ADGRL2: variants seen among roughly 807,000 people sequenced by gnomAD.
ADGRL2 encodes adhesion G protein-coupled receptor L2.
In ADGRL2, 44 loss-of-function variants were observed where a neutral mutation model predicts 157.4. The ratio of observed to expected loss-of-function variants is 0.28; its 90% CI spans 0.22 to 0.36. The LOEUF is 0.36. Among genes scored for constraint, ADGRL2 ranks in the 10% least tolerant of loss-of-function variants. The pLI is 1.00. For missense variants in ADGRL2, 1,510 were observed against 1,768.9 expected (o/e 0.85, Z 2.63); for synonymous variants, 585 against 624.7 (o/e 0.94, Z 0.95).
At chr1:81,914,993 T>C (rs2094821628) in intron 3 of ADGRL2, among the ~76,000 whole-genome samples, 1 of 152,174 alleles carries the variant, frequency 6.6e-6, no homozygotes, top group South Asian at 2.1e-4. Context: ...AATTTTGAAA[T>C]GGTTTAGAAG....
intron 3 of ADGRL2, among the ~76,000 whole-genome samples, chr1:81,913,883 T>C (rs1012676179): frequency 6.6e-6 from 1 of 152,168 alleles, no homozygotes; most frequent in Non-Finnish European, 1.5e-5. Flanking sequence ...TAAATAACTT[T>C]GAAGTTCAGT....
intron 2 of ADGRL2, among the ~76,000 whole-genome samples, chr1:81,776,490 AAGATT>A (rs1313246636): frequency 6.6e-6 from 1 of 152,180 alleles, no homozygotes; most frequent in African/African-American, 2.4e-5. Context: ...CCTGGCCAGT[AAGATT>A]TTTATAAAAT....
chr1:81,895,287 T>G (rs1443891962), intron 2 of ADGRL2, among the ~76,000 whole-genome samples: 1 of 152,158 alleles, frequency 6.6e-6, no homozygotes, highest in African/African-American at 2.4e-5. Context: ...CCTTTAGAGT[T>G]TATTGTTGCC....
chr1:81,310,068 G>A (rs1044292457), intron 1 of ADGRL2, among the ~76,000 whole-genome samples: 4 of 152,026 alleles, frequency 2.6e-5, no homozygotes, highest in African/African-American at 9.7e-5. Flanking sequence ...TCACTGCACT[G>A]GATGCATCTG....
chr1:81,655,655 T>C (rs1232978785), intron 3 of ADGRL2, among the ~76,000 whole-genome samples: 1 of 152,198 alleles, frequency 6.6e-6, no homozygotes, highest in East Asian at 1.9e-4. Context: ...TTCATTTCTC[T>C]CTTTCCTCCT....
rs549951407 is a variant in ADGRL2 at position 81,875,218 on chromosome 1, G to A, written c.74-31799G>A. On this transcript the variant is annotated intron_variant, in intron 2 of 23. Transcript: ENST00000686636. ...AGCTGTTTGCTACTGTCAGAACAAAGGCAAATCAGAGTTGCATTAAAGGGA... is the reference window on the plus strand; with the variant it reads ...AGCTGTTTGCTACTGTCAGAACAAAAGCAAATCAGAGTTGCATTAAAGGGA... Among the ~76,000 whole-genome samples the A allele has an allele frequency of 2.6e-5, 4 of 152,202 alleles. No individual in the cohort carries two copies. In the South Asian group the frequency reaches 8.3e-4, roughly 32 times the overall value.
At chr1:81,359,836 A>C (rs2075947292) in intron 1 of ADGRL2, among the ~76,000 whole-genome samples, 1 of 151,866 alleles carries the variant, frequency 6.6e-6, no homozygotes, top group Admixed American at 6.6e-5. Context: ...GCCAAAAAAA[A>C]CCTATGAGCT....
At chr1:81,509,696 T>C (rs1461662662) in intron 2 of ADGRL2, among the ~76,000 whole-genome samples, 1 of 152,220 alleles carries the variant, frequency 6.6e-6, no homozygotes, top group African/African-American at 2.4e-5. Context: ...GTTTTCCATC[T>C]TTTATGTAAA....
chr1:81,447,892 G>C (rs2077628055), intron 2 of ADGRL2, among the ~76,000 whole-genome samples: 1 of 151,944 alleles, frequency 6.6e-6, no homozygotes, highest in South Asian at 2.1e-4. Context: ...GAACGGTTTA[G>C]CACCATCTTT....
chr1:81,401,242 T>C (rs979763452), intron 1 of ADGRL2, among the ~76,000 whole-genome samples: 1 of 152,120 alleles, frequency 6.6e-6, no homozygotes, highest in African/African-American at 2.4e-5. Flanking sequence ...CACAGAGGGA[T>C]GAGACTGTTC....
At chr1:81,605,005 T>C (rs956030503) in intron 3 of ADGRL2, among the ~76,000 whole-genome samples, 3 of 152,216 alleles carry the variant, frequency 2.0e-5, no homozygotes, top group African/African-American at 7.2e-5. Flanking sequence ...CTTCCGAGAC[T>C]GGAAACTTTA....
intron 1 of ADGRL2, among the ~76,000 whole-genome samples, chr1:81,436,113 T>A (rs1475611808): frequency 3.3e-5 from 5 of 152,102 alleles, no homozygotes; most frequent in East Asian, 1.9e-4. Context: ...TAAAAAAGAA[T>A]CATACATCTT....
At chr1:81,581,239 G>T (rs895317150) in intron 3 of ADGRL2, among the ~76,000 whole-genome samples, 11 of 152,116 alleles carry the variant, frequency 7.2e-5, no homozygotes, top group African/African-American at 2.7e-4. Flanking sequence ...AACATAAGCA[G>T]GTATTTGTAC....
intron 1 of ADGRL2, among the ~76,000 whole-genome samples, chr1:81,427,843 A>T (rs2077246650): frequency 6.6e-6 from 1 of 152,204 alleles, no homozygotes; most frequent in Non-Finnish European, 1.5e-5. Context: ...GATTAATGCG[A>T]TGTAGTGTCA....
At chr1:81,658,972 G>T (rs540415763) in intron 3 of ADGRL2, among the ~76,000 whole-genome samples, 2 of 150,874 alleles carry the variant, frequency 1.3e-5, no homozygotes, top group Middle Eastern at 6.9e-3. Flanking sequence ...AGCTGGTCTC[G>T]AATTCCTGAC....
intron 2 of ADGRL2, among the ~76,000 whole-genome samples, chr1:81,793,520 A>T (rs1358518620): frequency 6.6e-6 from 1 of 152,082 alleles, no homozygotes; most frequent in Non-Finnish European, 1.5e-5. Flanking sequence ...GAGTATTTAA[A>T]CACTTCTTTC....
intron 3 of ADGRL2, among the ~76,000 whole-genome samples, chr1:81,649,303 G>A (rs1441929885): frequency 1.3e-5 from 2 of 152,196 alleles, no homozygotes; most frequent in Admixed American, 6.5e-5. Context: ...GAGATCTTAA[G>A]TGAGATTATC....
chr1:81,839,103 G>A (rs2092425994), intron 2 of ADGRL2, among the ~76,000 whole-genome samples: 1 of 152,046 alleles, frequency 6.6e-6, no homozygotes. Flanking sequence ...CATTAGGTAA[G>A]AAGGCATAGG....
At chr1:81,332,398 A>C (rs1017913456) in intron 1 of ADGRL2, among the ~76,000 whole-genome samples, 4 of 152,178 alleles carry the variant, frequency 2.6e-5, no homozygotes, top group African/African-American at 9.6e-5. Flanking sequence ...TAATCAAAAA[A>C]CATAAGAACT....
Sources: gnomAD v4.1 joint callset for allele counts (sites outside exome capture counted in the v4.1 genomes callset) on GRCh38, gnomAD v4.1.1 for gene constraint, MANE v1.5 for transcripts, NCBI Gene and HGNC (gene_info 2026-07-23, HGNC 2026-07-21) for gene names.